The following DOCK11 variants were observed in gnomAD, a reference collection of about 807,000 sequenced individuals.
DOCK11 encodes dedicator of cytokinesis 11.
A neutral mutation model predicts 169.1 loss-of-function variants in DOCK11; 70 were observed. The ratio of observed to expected loss-of-function variants is 0.41; its 90% CI spans 0.34 to 0.51. The LOEUF is 0.51. Ranked by LOEUF, DOCK11 falls within the 20% of genes least tolerant of loss-of-function variation. The pLI is 0.10. For synonymous variants in DOCK11, 529 were observed against 541.3 expected (o/e 0.98, Z 0.32); for missense variants, 1,166 against 1,538.8 (o/e 0.76, Z 4.05).
chrX:118,557,497 G>C (rs1455499508), intron 6 of DOCK11, among the ~76,000 whole-genome samples: 1 of 110,803 alleles, frequency 9.0e-6, no homozygotes, highest in Non-Finnish European at 1.9e-5. Context: ...GGCCGGGCGC[G>C]GTGGCTCATG....
chrX:118,574,308 G>T (rs902180291), intron 12 of DOCK11, among the ~76,000 whole-genome samples: 1 of 112,107 alleles, frequency 8.9e-6, no homozygotes, highest in Admixed American at 9.4e-5. Context: ...GCTCACGCCT[G>T]TAATCCCAGC....
At position 118,599,213 on chromosome X, in the gene DOCK11, C is replaced by G. The variant is rs373231196; in HGVS notation, c.2547C>G (p.Leu849=). 2.0e-5 allele frequency: 24 copies of G among 1,204,187 alleles called. No individual in the cohort carries two copies. The highest frequency in any genetic ancestry group is 2.5e-5 in the Non-Finnish European group (22 of 890,327). ...QSGSKEVPGE[L]IKYLKCLHAM... The stretch of plus-strand genomic sequence containing the variant: ...GCTCGAAAGAAGTTCCAGGGGAGCT[C>G]ATTAAATATTTAAAGGTAAATGAAC... Residue 849 remains leucine, a synonymous_variant, in exon 23 of 53, where the codon CTC becomes CTG. Transcript: ENST00000276202.
chrX:118,584,905 T>G, intron 15 of DOCK11, 48 bp downstream of exon 15: 1 of 1,166,706 alleles, frequency 8.6e-7, no homozygotes. Flanking sequence ...AGATGAATCC[T>G]CAGTTTTTTA....
chrX:118,636,512 G>A (rs761450002), intron 36 of DOCK11, 100 bp downstream of exon 36: 4 of 361,002 alleles, frequency 1.1e-5, no homozygotes, highest in Non-Finnish European at 1.9e-5. Flanking sequence ...TGCTAATAAT[G>A]TAGAAAATGT....
At chrX:118,626,366 C>T (rs771698042) in intron 32 of DOCK11, among the ~76,000 whole-genome samples, 3 of 111,451 alleles carry the variant, frequency 2.7e-5, no homozygotes, top group Middle Eastern at 4.6e-3. Flanking sequence ...CCACTGTGCC[C>T]GGTCCCCAAA....
rs749709076 is a variant in DOCK11, at chrX:118,625,240, C to T, written c.3588+585C>T. Among the ~76,000 whole-genome samples, 6 of 109,171 alleles carry T rather than the reference C, an allele frequency of 5.5e-5. 1 individual carries two copies. The highest frequency in any genetic ancestry group is 2.9e-4 in the Admixed American group (3 of 10,248). 94.8% of individuals were successfully genotyped at this position (109,171 alleles called of 115,157 possible). Reference sequence around the variant, plus strand: ...CGTGATCTCGGCTCACTGCAACCTCCGCCTCCTGGGTTCAAGGGATTCTCC... The same window carrying T: ...CGTGATCTCGGCTCACTGCAACCTCTGCCTCCTGGGTTCAAGGGATTCTCC... On this transcript the variant is annotated intron_variant, in intron 32 of 52. Transcript: ENST00000276202.
intron 6 of DOCK11, among the ~76,000 whole-genome samples, chrX:118,554,022 A>G (rs2012591815): frequency 9.0e-6 from 1 of 111,731 alleles, no homozygotes; most frequent in Non-Finnish European, 1.9e-5. Flanking sequence ...ATTTTTTCAG[A>G]GACAAGGTCT....
Position 118,681,746 on chromosome X carries a change from C to A in DOCK11, c.5915C>A (p.Ala1972Asp). Residue 1972 changes from alanine (A) to aspartate (D), a missense_variant, in exon 51 of 53, where the codon GCT (alanine) becomes GAT (aspartate). Physicochemically the swap from Ala to Asp is moderately radical, Grantham distance 126. Coordinates refer to ENST00000276202, the MANE Select transcript of DOCK11 (RefSeq NM_144658.4). ...YARAFLNDSQ[A>D]SKYPPKKVSE... ...AGAGCTTTCTTAAATGACAGCCAAG[C>A]TAGCAAGTATCCACCTAAGAAAGTG... 2 of 1,207,430 alleles carry A rather than the reference C, an allele frequency of 1.7e-6. No homozygotes were observed. The highest frequency in any genetic ancestry group is 2.2e-6 in the Non-Finnish European group (2 of 893,511).
chrX:118,513,051 A>G (rs762335389), intron 1 of DOCK11, among the ~76,000 whole-genome samples: 3 of 111,642 alleles, frequency 2.7e-5, no homozygotes, highest in Admixed American at 9.5e-5. Flanking sequence ...GCCACCTTCC[A>G]GGAAACTCTT....
intron 3 of DOCK11, 52 bp from the exon 4 acceptor site, chrX:118,543,459 T>C (rs2012108300): frequency 1.0e-6 from 1 of 1,002,157 alleles, no homozygotes; most frequent in South Asian, 2.0e-5. Context: ...AAAAAGTGGA[T>C]ATATATGTAC....
intron 6 of DOCK11, among the ~76,000 whole-genome samples, chrX:118,552,572 T>G (rs1445536169): frequency 8.9e-6 from 1 of 112,612 alleles, no homozygotes; most frequent in African/African-American, 3.2e-5. Context: ...GCTTGCTGAG[T>G]ATAACCTCAT....
chrX:118,629,108 A>G (rs970302522), intron 34 of DOCK11, among the ~76,000 whole-genome samples: 13 of 111,138 alleles, frequency 1.2e-4, no homozygotes, highest in African/African-American at 4.3e-4. Flanking sequence ...GCCTGCTAAC[A>G]TGTATTTCTA....
chrX:118,659,653 A>G (rs1348163576), intron 44 of DOCK11, among the ~76,000 whole-genome samples: 2 of 112,126 alleles, frequency 1.8e-5, no homozygotes, highest in Admixed American at 1.9e-4. Flanking sequence ...TTAAGATAAC[A>G]CACTTAGCAA....
chrX:118,567,685 G>A (rs767203440), intron 9 of DOCK11, among the ~76,000 whole-genome samples: 2 of 110,947 alleles, frequency 1.8e-5, no homozygotes, highest in South Asian at 3.8e-4. Context: ...CACCCACTTC[G>A]GCCTCCCAAA....
chrX:118,541,831 A>G lies in DOCK11; in HGVS notation c.103-894A>G, dbSNP rs146474225. ...TTACTTTAGCTTCAGTCTGGGTCCT[A>G]CTGTCAATGGCCAGCTCGCCTAGAA... is the stretch of plus-strand genomic sequence containing the variant. On this transcript the variant is annotated intron_variant, in intron 1 of 52. Coordinates refer to ENST00000276202, the MANE Select transcript of DOCK11 (RefSeq NM_144658.4). Among the ~76,000 whole-genome samples the G allele has an allele frequency of 4.2e-3, 465 of 111,835 alleles. 4 individuals carry two copies. The Middle Eastern group carries it at 0.064, about 15-fold the overall frequency.
At chrX:118,547,424 C>G (rs935815456) in intron 6 of DOCK11, among the ~76,000 whole-genome samples, 13 of 111,643 alleles carry the variant, frequency 1.2e-4, no homozygotes, top group Non-Finnish European at 1.3e-4. Context: ...TAGGATACTT[C>G]CTGTATATCG....
chrX:118,654,599 T>C lies in DOCK11; in HGVS notation c.4696-3T>C. 1.7e-6 allele frequency: 2 copies of C among 1,209,689 alleles called. No individual in the cohort carries two copies. Among genetic ancestry groups the C allele is most frequent in the Non-Finnish European group, 2.2e-6 (2 of 894,395 alleles). On this transcript the variant is annotated splice_region_variant and splice_polypyrimidine_tract_variant and intron_variant, in intron 42 of 52. Coordinates refer to ENST00000276202, the MANE Select transcript of DOCK11 (RefSeq NM_144658.4). ...TTGTCTTTTTTGTTTGTTTTGAAAT[T>C]AGGCAACTGCCTTTCCCGCAGAAGT...
chrX:118,532,845 A>G (rs1027141134), intron 1 of DOCK11, among the ~76,000 whole-genome samples: 9 of 109,592 alleles, frequency 8.2e-5, no homozygotes, highest in Non-Finnish European at 1.5e-4. Flanking sequence ...ATAAACGTAA[A>G]TCACCTCACC....
At chrX:118,497,944 A>G (rs1044217449) in intron 1 of DOCK11, among the ~76,000 whole-genome samples, 3 of 112,471 alleles carry the variant, frequency 2.7e-5, no homozygotes, top group Non-Finnish European at 5.6e-5. Context: ...AATTTTGTGC[A>G]TTGTAGGTTC....
Sources: gnomAD v4.1 joint callset for allele counts (sites outside exome capture counted in the v4.1 genomes callset) on GRCh38, gnomAD v4.1.1 for gene constraint, MANE v1.5 for transcripts, NCBI Gene and HGNC (gene_info 2026-07-23, HGNC 2026-07-21) for gene names.